The following TGFBR2 variants were observed in gnomAD, a reference collection of about 807,000 sequenced individuals.
The protein encoded by TGFBR2 is TGF-beta receptor type-2.
In TGFBR2, 18 loss-of-function variants were observed where a neutral mutation model predicts 49.0. The ratio of observed to expected loss-of-function variants is 0.37; its 90% confidence interval spans 0.25 to 0.54. The LOEUF (loss-of-function observed/expected upper bound fraction) is 0.54, where lower values mean the gene tolerates loss of function less well. TGFBR2 is among the 20% of genes least tolerant of loss of function. TGFBR2 has a pLI of 0.85. For synonymous variants in TGFBR2, 282 were observed against 275.9 expected (o/e 1.02, Z -0.22); for missense variants, 525 against 722.6 (o/e 0.73, Z 3.13).
chr3:30,606,580 T>G (rs1472977236), upstream of TGFBR2: 2 of 322,430 alleles, frequency 6.2e-6, no homozygotes, highest in African/African-American at 4.2e-5. Flanking sequence ...CCCGCAGCGC[T>G]GAGTTGAAGT....
At chr3:30,642,498 A>C (rs564084094) in intron 1 of TGFBR2, among the ~76,000 whole-genome samples, 1 of 152,284 alleles carries the variant, frequency 6.6e-6, no homozygotes, top group South Asian at 2.1e-4. Flanking sequence ...GTATTTTTTA[A>C]ATTTCCTCAG....
chr3:30,646,506 A>G (rs936602432), intron 2 of TGFBR2, among the ~76,000 whole-genome samples: 3 of 152,192 alleles, frequency 2.0e-5, no homozygotes, highest in East Asian at 1.9e-4. Context: ...GGTAGAAAAT[A>G]TAATAAACAT....
chr3:30,624,239 A>T (rs1325515364), intron 1 of TGFBR2, among the ~76,000 whole-genome samples: 1 of 152,184 alleles, frequency 6.6e-6, no homozygotes, highest in African/African-American at 2.4e-5. Flanking sequence ...TATTTAGTCA[A>T]ATTGCTTTTA....
At chr3:30,662,665 G>A (rs938250198) in intron 3 of TGFBR2, among the ~76,000 whole-genome samples, 2 of 152,174 alleles carry the variant, frequency 1.3e-5, no homozygotes, top group African/African-American at 4.8e-5. Flanking sequence ...CTAAATTGGT[G>A]TGCTTTTTAC....
chr3:30,645,789 A>G (rs950332339), intron 2 of TGFBR2, among the ~76,000 whole-genome samples: 4 of 150,668 alleles, frequency 2.7e-5, no homozygotes, highest in African/African-American at 4.9e-5. Context: ...CCCGACCAGA[A>G]CTATATATTT....
intron 3 of TGFBR2, among the ~76,000 whole-genome samples, chr3:30,669,062 G>A (rs1298355634): frequency 7.2e-6 from 1 of 137,984 alleles, no homozygotes; most frequent in Non-Finnish European, 1.5e-5. Flanking sequence ...CAGATCACAA[G>A]GTCAGGAGTT....
chr3:30,641,375 G>C (rs890531180), intron 1 of TGFBR2, among the ~76,000 whole-genome samples: 1 of 152,162 alleles, frequency 6.6e-6, no homozygotes, highest in African/African-American at 2.4e-5. Context: ...ATATCATATA[G>C]AGGAAAAGAA....
intron 1 of TGFBR2, among the ~76,000 whole-genome samples, chr3:30,624,998 A>G (rs1698305394): frequency 6.6e-6 from 1 of 152,188 alleles, no homozygotes; most frequent in Non-Finnish European, 1.5e-5. Context: ...TCAAACTGTA[A>G]TAAATTTCAG....
At chr3:30,679,540 T>C (rs946092965) in intron 5 of TGFBR2, among the ~76,000 whole-genome samples, 2 of 152,164 alleles carry the variant, frequency 1.3e-5, no homozygotes, top group African/African-American at 4.8e-5. Context: ...AAGAGAGTGG[T>C]CAGAGAGAAA....
At chr3:30,654,226 C>A (rs1698952865) in intron 3 of TGFBR2, among the ~76,000 whole-genome samples, 1 of 152,174 alleles carries the variant, frequency 6.6e-6, no homozygotes, top group Non-Finnish European at 1.5e-5. Flanking sequence ...GTAAATGAGG[C>A]TTGGTTGTCT....
At chr3:30,640,190 A>G (rs1474690015) in intron 1 of TGFBR2, among the ~76,000 whole-genome samples, 1 of 152,204 alleles carries the variant, frequency 6.6e-6, no homozygotes, top group South Asian at 2.1e-4. Context: ...GTGAAATATT[A>G]TGGGCCATGT....
rs540744767 is a variant in TGFBR2 at position 30,692,689 on chromosome 3, G to T, written c.*1090G>T. 3.5e-4 allele frequency: 82 copies of T among 233,164 alleles called. No homozygotes were observed. The highest frequency in any genetic ancestry group is 1.7e-3 in the African/African-American group (79 of 45,464). The allele number at this position is 233,164 out of a possible 1,614,324, so 14.4% of individuals were successfully genotyped here. On this transcript the variant is annotated 3_prime_UTR_variant, in exon 7 of 7. Transcript: ENST00000295754. ...CTCCTGATTGCTCAAGCACAGTTTG[G>T]CCTGATGAAGAGGATTTCAACTACA...
intron 5 of TGFBR2, 41 bp from the exon 6 acceptor site, chr3:30,688,343 G>A (rs1334208736): frequency 6.2e-7 from 1 of 1,613,874 alleles, no homozygotes; most frequent in Non-Finnish European, 8.5e-7. Context: ...GGCTGCACAT[G>A]CCATTCTCAG....
At chr3:30,648,083 T>A (rs1019064805) in intron 2 of TGFBR2, among the ~76,000 whole-genome samples, 1 of 152,198 alleles carries the variant, frequency 6.6e-6, no homozygotes, top group African/African-American at 2.4e-5. Context: ...CCGTATTTAC[T>A]TCTTTGTATT....
rs550886407 is a variant in TGFBR2 at position 30,653,866 on chromosome 3, A to G, written c.454+3406A>G. On this transcript the variant is annotated intron_variant, in intron 3 of 6. Transcript: ENST00000295754. ...GCCCTTTCCAAGCATGACCTCATTTAATCTTATAGCCACCCCATGCGAGTA... is the reference window on the plus strand; with the variant it reads ...GCCCTTTCCAAGCATGACCTCATTTGATCTTATAGCCACCCCATGCGAGTA... 2.8e-4 allele frequency among the ~76,000 whole-genome samples: 42 copies of G among 152,146 alleles called. 1 individual carries two copies. The highest frequency in any genetic ancestry group is 3.4e-4 in the Non-Finnish European group (23 of 68,024).
chr3:30,635,850 T>C (rs1698518305), intron 1 of TGFBR2, among the ~76,000 whole-genome samples: 1 of 152,166 alleles, frequency 6.6e-6, no homozygotes, highest in Admixed American at 6.5e-5. Flanking sequence ...ATTCCCTCAG[T>C]TGAACAAGTC....
chr3:30,688,574 G>C, intron 6 of TGFBR2, 63 bp downstream of exon 6: 1 of 1,602,522 alleles, frequency 6.2e-7, no homozygotes, highest in Non-Finnish European at 8.5e-7. Context: ...AGGTGGCAGA[G>C]AATTCTGGAA....
At chr3:30,645,531 G>C (rs13095432) in intron 2 of TGFBR2, among the ~76,000 whole-genome samples, 43,451 of 145,556 alleles carry the variant, frequency 0.3, 6,911 homozygotes, top group East Asian at 0.67. Context: ...TGTCATTCAG[G>C]CTAGAGTGCC....
intron 5 of TGFBR2, 47 bp from the exon 6 acceptor site, chr3:30,688,337 G>T (rs771373978): frequency 6.2e-7 from 1 of 1,613,706 alleles, no homozygotes; most frequent in Non-Finnish European, 8.5e-7. Flanking sequence ...TCCTTTGGCT[G>T]CACATGCCAT....
Sources: allele counts gnomAD v4.1 joint callset (sites outside exome capture counted in the v4.1 genomes callset), GRCh38; gene constraint gnomAD v4.1.1; transcripts MANE v1.5; gene names NCBI Gene and HGNC (gene_info 2026-07-23, HGNC 2026-07-21).